The following WNK4 variants were observed in gnomAD, a reference collection of about 807,000 sequenced individuals.
WNK4 encodes WNK lysine deficient protein kinase 4, also known as serine/threonine-protein kinase WNK4.
Under a neutral mutation model 116.2 loss-of-function variants are expected in WNK4, and 94 were observed. The observed-to-expected ratio is 0.81, with a 90% confidence interval of 0.68 to 0.96. The LOEUF is 0.96. Ranked by LOEUF, WNK4 falls within the 40% of genes least tolerant of loss-of-function variation. The pLI is 0.00. For missense variants in WNK4, 1,542 were observed against 1,650.6 expected, an observed-to-expected ratio of 0.93 and a Z score of 1.14; for synonymous variants, 655 against 672.7, an observed-to-expected ratio of 0.97 and a Z score of 0.41.
In WNK4 at chr17:42,788,144, C is replaced by T; in HGVS notation, c.1878C>T (p.Ser626=). The T allele has an allele frequency of 6.2e-7, 1 of 1,614,228 alleles. No homozygotes were observed. The highest frequency in any genetic ancestry group is 8.5e-7 in the Non-Finnish European group (1 of 1,180,048). ...HLCLPSAFAL[S]IPRSGPGSDF... The stretch of plus-strand genomic sequence containing the variant: ...TCCTGTTTCAGGCTTTTGCCCTATC[C>T]ATTCCACGTTCTGGCCCTGGAAGTG... Residue 626 remains serine (S), a synonymous_variant, in exon 9 of 19, where the codon TCC becomes TCT. Coordinates refer to ENST00000246914, the MANE Select transcript of WNK4 (RefSeq NM_032387.5).
chr17:42,785,964 T>C (rs929989152), intron 6 of WNK4, among the ~76,000 whole-genome samples: 2 of 152,218 alleles, frequency 1.3e-5, no homozygotes, highest in African/African-American at 4.8e-5. Context: ...CACTAGACTA[T>C]AAACTCCCTG....
rs1283217342 is a variant in WNK4, at chr17:42,783,952, C to G, written c.807C>G (p.Phe269Leu). Residue 269 changes from phenylalanine to leucine, a missense_variant, in exon 3 of 19, where the codon TTC becomes TTG. Phe to Leu is a conservative substitution (Grantham distance 22). Around this residue, in one of 7 missense-constraint regions of WNK4, gnomAD observed 808 missense variants for 873.6 expected, o/e 0.92. Transcript: ENST00000246914. Reference sequence around the variant, plus strand: ...CCTCCCCCAGGTACCTGAGGCGGTTCCGGGAGATGAAGCCGCGGGTCCTTC... The same window carrying G: ...CCTCCCCCAGGTACCTGAGGCGGTTGCGGGAGATGAAGCCGCGGGTCCTTC... ...SGTLKTYLRR[F>L]REMKPRVLQR... 2 of 1,613,616 alleles carry G rather than the reference C, an allele frequency of 1.2e-6. No homozygotes were observed.
intron 6 of WNK4, 73 bp downstream of exon 6, chr17:42,785,555 A>T (rs2054539368): frequency 2.9e-5 from 40 of 1,369,450 alleles, no homozygotes; most frequent in Non-Finnish European, 3.9e-5. Context: ...TGCAACAGGG[A>T]TGGGGCGCAG....
chr17:42,794,832 C>T lies in WNK4; in HGVS notation c.2411C>T (p.Ser804Leu). Residue 804 changes from serine to leucine, a missense_variant, in exon 14 of 19, where the codon TCA becomes TTA. Coordinates refer to ENST00000246914, the MANE Select transcript of WNK4 (RefSeq NM_032387.5). ...AGCTGGACAGCCTTCTCCACCTCCTCATCTTCTCCTGGAACTCCTTTGTCT... is the reference window on the plus strand; with the variant it reads ...AGCTGGACAGCCTTCTCCACCTCCTTATCTTCTCCTGGAACTCCTTTGTCT... ...HRSWTAFSTSSSSPGTPLSPG... is the reference protein window; with the variant it reads ...HRSWTAFSTSLSSPGTPLSPG... The T allele has an allele frequency of 6.2e-7, 1 of 1,613,938 alleles. No individual in the cohort carries two copies. The highest frequency in any genetic ancestry group is 1.3e-5 in the African/African-American group (1 of 74,936).
At chr17:42,791,518 A>G (rs1206881601) in intron 11 of WNK4, among the ~76,000 whole-genome samples, 6 of 152,290 alleles carry the variant, frequency 3.9e-5, no homozygotes. Context: ...GCATGCCTGT[A>G]ATCCCAGCTA....
chr17:42,787,012 C>T (rs988304663), intron 6 of WNK4, among the ~76,000 whole-genome samples: 11 of 152,206 alleles, frequency 7.2e-5, no homozygotes, highest in African/African-American at 1.9e-4. Flanking sequence ...ATCTCTTCTT[C>T]CCATTGGAAA....
Position 42,794,951 on chromosome 17 carries a change from TCCC to T in WNK4, c.2533_2535del (p.Pro845del), listed in dbSNP as rs767406020. The stretch of plus-strand genomic sequence containing the variant: ...ATGTCATCCCAGCCCCTCCCCATTC[TCCC>T]CCATTTCTTCCCAGGTCTCCTCAAA... On this transcript the variant is annotated inframe_deletion, in exon 14 of 19. Coordinates refer to ENST00000246914, the MANE Select transcript of WNK4 (RefSeq NM_032387.5). 16 of 1,464,998 alleles carry T rather than the reference TCCC, an allele frequency of 1.1e-5. No homozygotes were observed. The highest frequency in any genetic ancestry group is 1.4e-5 in the Non-Finnish European group (15 of 1,095,054). 90.7% of individuals were successfully genotyped at this position (1,464,998 alleles called of 1,614,324 possible).
chr17:42,795,677 G>C lies in WNK4; in HGVS notation c.3075G>C (p.Pro1025=). 6.2e-7 allele frequency: 1 copy of C among 1,613,144 alleles called. No homozygotes were observed. Among genetic ancestry groups the C allele is most frequent in the Non-Finnish European group, 8.5e-7 (1 of 1,180,032 alleles). The change falls in exon 16 of 19, where the codon CCG becomes CCC. Residue 1025 remains proline (P), a synonymous_variant. Coordinates refer to ENST00000246914, the MANE Select transcript of WNK4 (RefSeq NM_032387.5). ...TCCAAGTGACTTCATCCAAGGAACC[G>C]GCTGAGCCTCTTCCCTTGCAGCCAA... ...GRFQVTSSKE[P]AEPLPLQPTS...
Position 42,783,862 on chromosome 17 carries a change from G to T in WNK4, c.792-75G>T, listed in dbSNP as rs774947257. 9.1e-6 allele frequency: 13 copies of T among 1,422,512 alleles called. No individual in the cohort carries two copies. In the South Asian group the frequency reaches 1.6e-4, roughly 17 times the overall value. 88.1% of individuals were successfully genotyped at this position (1,422,512 alleles called of 1,614,324 possible). A position where few individuals can be genotyped will look rare whatever the true frequency, so the allele number is the denominator to read the frequency against. ...GGCGGCAGCAGGGTGCGGCAGGGGG[G>T]AACTTCCCAGTGGGGGGCTCCTTCC... On this transcript the variant is annotated intron_variant, in intron 2 of 18. Transcript: ENST00000246914.
rs1273529123 is a variant in WNK4 at position 42,780,855 on chromosome 17, C to T, written c.157C>T (p.Arg53Trp). The stretch of plus-strand genomic sequence containing the variant: ...CCGCTTCTCCGGGAAGGCTGAGCCC[C>T]GGCCGCGCTCTTCTCGTCTCAGCCG... ...ARRFSGKAEP[R>W]PRSSRLSRRS... is the part of the protein sequence containing the mutation. Residue 53 changes from arginine to tryptophan, a missense_variant, in exon 1 of 19, where the codon CGG (arginine) becomes TGG (tryptophan). Arg to Trp is a moderately radical substitution (Grantham distance 101, BLOSUM62 -3). Around this residue, in one of 7 missense-constraint regions of WNK4, gnomAD observed 243 missense variants for 217.8 expected, o/e 1.12. Transcript: ENST00000246914. 9.4e-6 allele frequency: 15 copies of T among 1,602,772 alleles called. No individual in the cohort carries two copies. Among genetic ancestry groups the T allele is most frequent in the Non-Finnish European group, 1.2e-5 (14 of 1,178,896 alleles).
rs554465446 is a variant in WNK4 at position 42,794,833 on chromosome 17, ATCT to A, written c.2416_2418del (p.Ser806del). The A allele has an allele frequency of 5.5e-4, 886 of 1,613,170 alleles. 12 individuals carry two copies. In the Admixed American group the frequency reaches 0.014, roughly 26 times the overall value. Reference sequence around the variant, plus strand: ...GCTGGACAGCCTTCTCCACCTCCTCATCTTCTCCTGGAACTCCTTTGTCTCCTG... The same window carrying A: ...GCTGGACAGCCTTCTCCACCTCCTCATCTCCTGGAACTCCTTTGTCTCCTG... On this transcript the variant is annotated inframe_deletion, in exon 14 of 19. Transcript: ENST00000246914.
rs374143531 is a variant in WNK4 at position 42,787,262 on chromosome 17, C to T, written c.1477-16C>T. 1 of 1,613,384 alleles carries T rather than the reference C, an allele frequency of 6.2e-7. No homozygotes were observed. The highest frequency in any genetic ancestry group is 8.5e-7 in the Non-Finnish European group (1 of 1,180,032). On this transcript the variant is annotated splice_polypyrimidine_tract_variant and intron_variant, in intron 6 of 18. Transcript: ENST00000246914. ...GGGTCCCAAGCTGTGTTCCTCATCC[C>T]CCACCCCAATTCCAGGTGGCTCTGG...
rs2054477241 is a variant in WNK4 at position 42,781,037 on chromosome 17, A to T, written c.339A>T (p.Gly113=). Residue 113 remains glycine (G), a synonymous_variant, in exon 1 of 19, where the codon GGA becomes GGT. Transcript: ENST00000246914. ...CCCCCGAGGGCACGTGGACCGAGGGAGCCCCTGTGAAGGCTGCGGAAGACT... is the reference window on the plus strand; with the variant it reads ...CCCCCGAGGGCACGTGGACCGAGGGTGCCCCTGTGAAGGCTGCGGAAGACT... ...KEPPEGTWTE[G]APVKAAEDSA... 1 of 1,610,880 alleles carries T rather than the reference A, an allele frequency of 6.2e-7. No individual in the cohort carries two copies. The highest frequency in any genetic ancestry group is 8.5e-7 in the Non-Finnish European group (1 of 1,179,434).
Position 42,794,685 on chromosome 17 carries a change from G to A in WNK4, c.2350+17G>A. On this transcript the variant is annotated intron_variant, in intron 13 of 18. Transcript: ENST00000246914. ...CATCCAATGGTATGTACTGAGTTGT[G>A]TCCTTGCTCATCCCAACCCCTGGGG... 6.2e-7 allele frequency: 1 copy of A among 1,613,750 alleles called. No individual in the cohort carries two copies. Among genetic ancestry groups the A allele is most frequent in the Non-Finnish European group, 8.5e-7 (1 of 1,179,898 alleles).
In WNK4 at chr17:42,784,069, C is replaced by T. The variant is rs779031905; in HGVS notation, c.924C>T (p.Val308=). 3.9e-5 allele frequency: 63 copies of T among 1,613,462 alleles called. No individual in the cohort carries two copies. Among genetic ancestry groups the T allele is most frequent in the Non-Finnish European group, 5.3e-5 (62 of 1,180,038 alleles). The change falls in exon 3 of 19, where the codon GTC becomes GTT. Residue 308 remains valine (V), a synonymous_variant. Transcript: ENST00000246914. This position sits in a 1 kb window ranked among gnomAD's most constrained non-coding sequence, Gnocchi z 4.4. The part of the protein sequence containing the change: ...ILHRDLKCDN[V]FITGPTGSVK... ...ACCGGGATCTCAAGTGCGACAATGTCTTTATCACGGGACCTACTGGCTCTG... is the reference window on the plus strand; with the variant it reads ...ACCGGGATCTCAAGTGCGACAATGTTTTTATCACGGGACCTACTGGCTCTG...
rs532774948 is a variant in WNK4, at chr17:42,791,626, C to T, written c.2158-1966C>T. 6.7e-3 allele frequency among the ~76,000 whole-genome samples: 895 copies of T among 134,534 alleles called. 4 individuals are homozygous for T. The highest frequency in any genetic ancestry group is 0.045 in the Middle Eastern group (8 of 176). 88.3% of individuals were successfully genotyped at this position (134,534 alleles called of 152,430 possible). On this transcript the variant is annotated intron_variant, in intron 11 of 18. Transcript: ENST00000246914. Reference sequence around the variant, plus strand: ...TGCACTCCAGCCTGGGCAACAAGAGCGAAACTCTGTCTCAAAAAAAAAAAA... The same window carrying T: ...TGCACTCCAGCCTGGGCAACAAGAGTGAAACTCTGTCTCAAAAAAAAAAAA...
Position 42,784,727 on chromosome 17 carries a change from C to T in WNK4, c.1170+148C>T. Reference sequence around the variant, plus strand: ...GGTGAACACAGAAGGATATTGAGTGCACACGCGCCCCCACCAGTACACGCT... The same window carrying T: ...GGTGAACACAGAAGGATATTGAGTGTACACGCGCCCCCACCAGTACACGCT... On this transcript the variant is annotated intron_variant, in intron 4 of 18. Transcript: ENST00000246914. The surrounding 1 kb of genome is among the most constrained non-coding windows in gnomAD (Gnocchi z 4.4). The T allele has an allele frequency of 1.0e-6, 1 of 965,386 alleles. No homozygotes were observed. The highest frequency in any genetic ancestry group is 1.6e-6 in the Non-Finnish European group (1 of 631,102). The allele number at this position is 965,386 out of a possible 1,614,324, so 59.8% of individuals were successfully genotyped here.
At position 42,796,848 on chromosome 17, in the gene WNK4, A is replaced by C; in HGVS notation, c.*160A>C. ...GGCATGGAGAGTGCAGCTCCATTAT[A>C]GTGAAGAGCCAAACATATGTGAACT... On this transcript the variant is annotated 3_prime_UTR_variant, in exon 19 of 19. Coordinates refer to ENST00000246914, the MANE Select transcript of WNK4 (RefSeq NM_032387.5). 7.0e-7 allele frequency: 1 copy of C among 1,427,612 alleles called. No individual in the cohort carries two copies. Among genetic ancestry groups the C allele is most frequent in the Non-Finnish European group, 9.7e-7 (1 of 1,029,802 alleles). The allele number at this position is 1,427,612 out of a possible 1,614,324, so 88.4% of individuals were successfully genotyped here.
At chr17:42,792,126 C>T (rs1171151596) in intron 11 of WNK4, among the ~76,000 whole-genome samples, 1 of 152,174 alleles carries the variant, frequency 6.6e-6, no homozygotes, top group Non-Finnish European at 1.5e-5. Flanking sequence ...ATCCAATGAA[C>T]TTAGGCAAGT....
Sources: allele counts gnomAD v4.1 joint callset (sites outside exome capture counted in the v4.1 genomes callset), GRCh38; gene constraint gnomAD v4.1.1; regional missense constraint gnomAD v4.1.1; non-coding constraint Gnocchi (gnomAD v3.1); transcripts MANE v1.5; gene names NCBI Gene and HGNC (gene_info 2026-07-23, HGNC 2026-07-21).